Variants in RASGEF1B observed in about 807,000 individuals in gnomAD.
The protein encoded by RASGEF1B is RasGEF domain family member 1B.
In RASGEF1B, 30 loss-of-function variants were observed where a neutral mutation model predicts 65.7. That is an observed-to-expected ratio of 0.46 (90% confidence interval 0.34 to 0.62). RASGEF1B has a LOEUF of 0.62. Ranked by LOEUF, RASGEF1B falls within the 20% of genes least tolerant of loss-of-function variation. The pLI, the probability that RASGEF1B is intolerant of heterozygous loss-of-function variation, is 0.01. For missense variants in RASGEF1B, 495 were observed against 580.1 expected, an observed-to-expected ratio of 0.85 and a Z score of 1.51; for synonymous variants, 175 against 194.8, an observed-to-expected ratio of 0.90 and a Z score of 0.85.
chr4:81,434,646 T>C lies in RASGEF1B; in HGVS notation c.1193A>G (p.Asn398Ser), dbSNP rs1721547249. The stretch of plus-strand genomic sequence containing the variant: ...CTACTTTATCACACTCACCTCAAAA[T>C]TGACATGGCCATTGGGAAGGCGGTT... Reference protein sequence around the residue: ...CANRLPNGHVNFEKFWELAKQ... With the variant: ...CANRLPNGHVSFEKFWELAKQ... The change falls in exon 11 of 14, where the codon AAT becomes AGT. Residue 398 changes from asparagine to serine, a missense_variant. Physicochemically the swap from Asn to Ser is conservative, Grantham distance 46. Transcript: ENST00000264400. 1 of 1,585,972 alleles carries C rather than the reference T, an allele frequency of 6.3e-7. No individual in the cohort carries two copies. The highest frequency in any genetic ancestry group is 8.7e-7 in the Non-Finnish European group (1 of 1,154,416).
intron 8 of RASGEF1B, 140 bp downstream of exon 8, chr4:81,445,386 G>T: frequency 1.5e-6 from 1 of 658,530 alleles, no homozygotes; most frequent in Non-Finnish European, 2.7e-6. Flanking sequence ...GCTATTTAAA[G>T]CATTTTGGGC....
In RASGEF1B at chr4:81,465,920, GA is replaced by G. The variant is rs546717431; in HGVS notation, c.-7+5849del. On this transcript the variant is annotated intron_variant, in intron 1 of 13. Transcript: ENST00000264400. ...AGAGACAGAAAATGTAAGAGTCAGA[GA>G]AAAAAAAGGTTTATTTTTTTCAATC... Among the ~76,000 whole-genome samples, 27 of 151,690 alleles carry G rather than the reference GA, an allele frequency of 1.8e-4. No homozygotes were observed. The South Asian group carries it at 3.8e-3, about 21-fold the overall frequency.
chr4:81,459,262 G>T, intron 2 of RASGEF1B, 70 bp downstream of exon 2: 2 of 1,153,502 alleles, frequency 1.7e-6, no homozygotes, highest in Non-Finnish European at 1.2e-6. Flanking sequence ...ATTATCTATG[G>T]TCCCTGCCTA....
At chr4:81,460,572 G>A (rs1722606577) in intron 1 of RASGEF1B, among the ~76,000 whole-genome samples, 1 of 152,180 alleles carries the variant, frequency 6.6e-6, no homozygotes, top group South Asian at 2.1e-4. Context: ...CTCAATGTGG[G>A]AGGGGTGTGG....
At chr4:81,460,167 T>A (rs1722592204) in intron 1 of RASGEF1B, among the ~76,000 whole-genome samples, 1 of 152,180 alleles carries the variant, frequency 6.6e-6, no homozygotes, top group African/African-American at 2.4e-5. Flanking sequence ...CTGTAAAGCC[T>A]CAGTTCTCAA....
intron 1 of RASGEF1B, among the ~76,000 whole-genome samples, chr4:81,470,686 C>T (rs1233191502): frequency 6.6e-6 from 1 of 152,190 alleles, no homozygotes; most frequent in Non-Finnish European, 1.5e-5. Flanking sequence ...CATCTATATA[C>T]ACCATATCCA....
chr4:81,428,065 C>CA (rs1560690036), intron 13 of RASGEF1B, among the ~76,000 whole-genome samples: 1 of 151,752 alleles, frequency 6.6e-6, no homozygotes, highest in Non-Finnish European at 1.5e-5. Flanking sequence ...ATAACAAAAA[C>CA]AAAAAAAGCA....
intron 8 of RASGEF1B, among the ~76,000 whole-genome samples, chr4:81,444,687 C>A (rs1402474783): frequency 6.6e-6 from 1 of 152,148 alleles, no homozygotes; most frequent in Non-Finnish European, 1.5e-5. Flanking sequence ...CAGGCATGTG[C>A]CACCATGCCC....
intron 1 of RASGEF1B, among the ~76,000 whole-genome samples, chr4:81,461,742 A>C (rs535328663): frequency 1.5e-3 from 227 of 152,284 alleles, no homozygotes; most frequent in African/African-American, 5.1e-3. Context: ...AGTGATTAGC[A>C]ATGACTGTCA....
At chr4:81,434,914 A>G (rs1454857600) in intron 10 of RASGEF1B, among the ~76,000 whole-genome samples, 180 bp from the exon 11 acceptor site, 11 of 152,222 alleles carry the variant, frequency 7.2e-5, no homozygotes, top group Non-Finnish European at 1.5e-4. Flanking sequence ...TTTTGCTTAT[A>G]CTACAACTGC....
At chr4:81,455,534 G>C (rs560743284) in intron 4 of RASGEF1B, 1 of 152,174 alleles carries the variant, frequency 6.6e-6, no homozygotes, top group African/African-American at 2.4e-5. Flanking sequence ...ATTTTAAGAC[G>C]AATAAAATGC....
intron 4 of RASGEF1B, chr4:81,452,743 T>C (rs1006609502): frequency 7.9e-5 from 12 of 152,180 alleles, no homozygotes; most frequent in South Asian, 2.1e-4. Flanking sequence ...CAAATAAAGA[T>C]AGAAGCTCTT....
At chr4:81,459,153 T>C in intron 2 of RASGEF1B, 179 bp downstream of exon 2, 1 of 565,266 alleles carries the variant, frequency 1.8e-6, no homozygotes, top group Non-Finnish European at 3.1e-6. Context: ...TATACCAAAA[T>C]CTGATCCTTA....
chr4:81,469,652 T>TAC (rs111913026), intron 1 of RASGEF1B, among the ~76,000 whole-genome samples: 8 of 132,344 alleles, frequency 6.0e-5, no homozygotes, highest in African/African-American at 1.8e-4. Flanking sequence ...TATGTGTATA[T>TAC]ATACACACAC....
At chr4:81,461,175 C>A (rs1428121415) in intron 1 of RASGEF1B, among the ~76,000 whole-genome samples, 1 of 152,176 alleles carries the variant, frequency 6.6e-6, no homozygotes, top group Non-Finnish European at 1.5e-5. Context: ...TACTCCTGTG[C>A]AATATAATCG....
chr4:81,457,904 T>C (rs999398651), intron 2 of RASGEF1B, among the ~76,000 whole-genome samples: 2 of 152,208 alleles, frequency 1.3e-5, no homozygotes, highest in African/African-American at 2.4e-5. Context: ...GGAGCCAGGA[T>C]ACCAAGACAC....
intron 1 of RASGEF1B, 115 bp from the exon 2 acceptor site, chr4:81,459,629 T>C: frequency 1.2e-6 from 1 of 801,100 alleles, no homozygotes; most frequent in Non-Finnish European, 1.9e-6. Context: ...GCAATTAAAA[T>C]AGTAGTTCAG....
intron 8 of RASGEF1B, among the ~76,000 whole-genome samples, chr4:81,442,904 C>T (rs1249230057): frequency 6.6e-6 from 1 of 152,182 alleles, no homozygotes; most frequent in Non-Finnish European, 1.5e-5. Context: ...CATATTTGAC[C>T]CACGGGTCAT....
intron 6 of RASGEF1B, 96 bp downstream of exon 6, chr4:81,447,408 A>C (rs574710063): frequency 1.1e-6 from 1 of 903,180 alleles, no homozygotes; most frequent in East Asian, 2.5e-5. Context: ...AATCTACAAC[A>C]GAATATAGTT....
Sources: allele counts gnomAD v4.1 joint callset (sites outside exome capture counted in the v4.1 genomes callset), GRCh38; gene constraint gnomAD v4.1.1; transcripts MANE v1.5; gene names NCBI Gene and HGNC (gene_info 2026-07-23, HGNC 2026-07-21).